The following CDC14B variants were observed in gnomAD, a reference collection of about 807,000 sequenced individuals.
CDC14B encodes dual specificity protein phosphatase CDC14B.
In CDC14B, 22 loss-of-function variants were observed where a neutral mutation model predicts 64.2. That is an observed-to-expected ratio of 0.34 (90% CI 0.24 to 0.49). The LOEUF is 0.49. CDC14B is among the 20% of genes least tolerant of loss of function. The pLI is 0.99. For missense variants in CDC14B, 498 were observed against 629.9 expected (o/e 0.79, Z 2.24); for synonymous variants, 191 against 215.8 (o/e 0.89, Z 1.01).
chr9:96,514,981 A>G, intron 12 of CDC14B: 1 of 960,778 alleles, frequency 1.0e-6, no homozygotes, highest in Non-Finnish European at 1.2e-6. Context: ...AACAATGACC[A>G]TCATATGGAA....
rs1835493200 is a variant in CDC14B at position 96,515,397 on chromosome 9, G to C, written c.1344-5608C>G. ...CAGTGTCTTTATCAACTGCTATTTT[G>C]AAATATGTTAAGGATAAGCATAACT... is the stretch of plus-strand genomic sequence containing the variant. On this transcript the variant is annotated intron_variant, in intron 12 of 13. Transcript: ENST00000375241. The surrounding 1 kb of genome is among the most constrained non-coding windows in gnomAD (Gnocchi z 4.3). 7.1e-6 allele frequency among the ~76,000 whole-genome samples: 1 copy of C among 141,050 alleles called. No individual in the cohort carries two copies. Among genetic ancestry groups the C allele is most frequent in the Admixed American group, 7.5e-5 (1 of 13,290 alleles). 92.5% of individuals were successfully genotyped at this position (141,050 alleles called of 152,430 possible). A position where few individuals can be genotyped will look rare whatever the true frequency, so the allele number is the denominator to read the frequency against.
intron 1 of CDC14B, among the ~76,000 whole-genome samples, chr9:96,574,110 G>A (rs1416312076): frequency 6.6e-6 from 1 of 150,878 alleles, no homozygotes; most frequent in Non-Finnish European, 1.5e-5. Context: ...TCGCACCACT[G>A]AACTCCAGCT....
intron 1 of CDC14B, among the ~76,000 whole-genome samples, chr9:96,584,007 C>A (rs1040080521): frequency 3.3e-5 from 5 of 152,084 alleles, no homozygotes; most frequent in African/African-American, 1.2e-4. Context: ...CATGAGCCAC[C>A]GCGCCTGGCG....
At chr9:96,566,687 C>A (rs1009547434) in intron 1 of CDC14B, 12 of 1,371,976 alleles carry the variant, frequency 8.7e-6, no homozygotes, top group Non-Finnish European at 1.2e-5. Flanking sequence ...AGACTAGGGG[C>A]ACCTCCAAGC....
intron 9 of CDC14B, among the ~76,000 whole-genome samples, chr9:96,530,754 G>A (rs56087859): frequency 0.043 from 6,571 of 151,654 alleles, 446 homozygotes; most frequent in African/African-American, 0.15. Flanking sequence ...TGAGCTTAGA[G>A]GAAAAGCTTT....
At chr9:96,610,068 G>C (rs1252320250) in intron 1 of CDC14B, among the ~76,000 whole-genome samples, 1 of 151,540 alleles carries the variant, frequency 6.6e-6, no homozygotes, top group Admixed American at 6.6e-5. Flanking sequence ...ATTAAAGTTA[G>C]AATTGTTTTA....
At chr9:96,617,885 C>G (rs1226271748) in intron 1 of CDC14B, among the ~76,000 whole-genome samples, 1 of 152,208 alleles carries the variant, frequency 6.6e-6, no homozygotes, top group African/African-American at 2.4e-5. Context: ...TATAGGCCCA[C>G]CCGTTCCCAG....
intron 4 of CDC14B, among the ~76,000 whole-genome samples, chr9:96,555,712 C>T (rs533830919): frequency 3.9e-5 from 6 of 152,302 alleles, no homozygotes; most frequent in African/African-American, 1.2e-4. Flanking sequence ...TCTCTCTGAA[C>T]GAGCAAATAT....
chr9:96,491,361 T>G (rs946637636), exon 14 of CDC14B: 1 of 152,240 alleles, frequency 6.6e-6, no homozygotes, highest in Non-Finnish European at 1.5e-5. Context: ...AACAGTCCTT[T>G]GGTTACTCCA....
At chr9:96,583,342 G>A (rs1348625628) in intron 1 of CDC14B, among the ~76,000 whole-genome samples, 1 of 150,564 alleles carries the variant, frequency 6.6e-6, no homozygotes, top group Non-Finnish European at 1.5e-5. Flanking sequence ...GTAAACCGGC[G>A]CCACCCTCCG....
intron 3 of CDC14B, 52 bp downstream of exon 3, chr9:96,564,725 C>A: frequency 1.1e-5 from 12 of 1,073,040 alleles, no homozygotes; most frequent in Non-Finnish European, 1.6e-5. Context: ...TTACTTTCGT[C>A]CCCCAGATCA....
Position 96,532,950 on chromosome 9 carries a change from T to C in CDC14B, c.946+977A>G, listed in dbSNP as rs142021202. Among the ~76,000 whole-genome samples, 382 of 152,308 alleles carry C rather than the reference T, an allele frequency of 2.5e-3. 2 individuals are homozygous for C. The highest frequency in any genetic ancestry group is 8.7e-3 in the African/African-American group (362 of 41,570). ...CCTACTAAGTCCACAATTTGATCTT[T>C]CTCAGGGATAGCTTCTGTGGATTTA... is the stretch of plus-strand genomic sequence containing the variant. On this transcript the variant is annotated intron_variant, in intron 9 of 13. Coordinates refer to ENST00000375241, the MANE Select transcript of CDC14B (RefSeq NM_033331.4).
chr9:96,495,348 G>A (rs1215961032), downstream of CDC14B, among the ~76,000 whole-genome samples: 6 of 152,168 alleles, frequency 3.9e-5, no homozygotes, highest in East Asian at 7.8e-4. Flanking sequence ...GGGACTGAGG[G>A]CGCCTTCAGC....
At chr9:96,494,815 C>T (rs1411086794) in intron 13 of CDC14B, among the ~76,000 whole-genome samples, 1 of 120,638 alleles carries the variant, frequency 8.3e-6, no homozygotes, top group African/African-American at 3.3e-5. Flanking sequence ...TCGTCCCGTC[C>T]CATCCCGTCT....
At chr9:96,508,407 A>G (rs1366006437) in intron 13 of CDC14B, among the ~76,000 whole-genome samples, 2 of 152,228 alleles carry the variant, frequency 1.3e-5, no homozygotes, top group Non-Finnish European at 1.5e-5. Context: ...GGCATAATGT[A>G]ACAATCTTGA....
intron 1 of CDC14B, among the ~76,000 whole-genome samples, chr9:96,584,445 A>C (rs1222600165): frequency 6.6e-6 from 1 of 152,180 alleles, no homozygotes; most frequent in Non-Finnish European, 1.5e-5. Context: ...CATAGTCAAG[A>C]AAGTCAGACT....
chr9:96,583,370 T>TTTATTTATTA (rs369531819), intron 1 of CDC14B, among the ~76,000 whole-genome samples: 18 of 139,092 alleles, frequency 1.3e-4, no homozygotes, highest in Admixed American at 5.2e-4. Context: ...GTTGTATTTA[T>TTTATTTATTA]TTATTATTAT....
intron 4 of CDC14B, among the ~76,000 whole-genome samples, chr9:96,557,378 T>C (rs1360534828): frequency 2.6e-5 from 4 of 152,248 alleles, no homozygotes; most frequent in Non-Finnish European, 5.9e-5. Context: ...TCCTCCAGCC[T>C]CTGCTGTCCC....
Position 96,509,729 on chromosome 9 carries a change from A to C in CDC14B, c.1404T>G (p.Ser468Arg). 2 of 1,613,494 alleles carry C rather than the reference A, an allele frequency of 1.2e-6. No individual in the cohort carries two copies. The highest frequency in any genetic ancestry group is 2.2e-5 in the South Asian group (2 of 91,060). Reference protein sequence around the residue: ...CKTSEPNISGSAGITKRTTRS... With the variant: ...CKTSEPNISGRAGITKRTTRS... ...TGGTGGTTCTTTTAGTAATGCCTGC[A>C]CTGCCAGAAATGTTAGGTTCAGATG... Residue 468 changes from serine (S) to arginine (R), a missense_variant, in exon 13 of 14, where the codon AGT (serine) becomes AGG (arginine). Ser to Arg is a moderately radical substitution (Grantham distance 110, BLOSUM62 -1). Coordinates refer to ENST00000375241, the MANE Select transcript of CDC14B (RefSeq NM_033331.4).
Sources: allele counts gnomAD v4.1 joint callset (sites outside exome capture counted in the v4.1 genomes callset), GRCh38; gene constraint gnomAD v4.1.1; non-coding constraint Gnocchi (gnomAD v3.1); transcripts MANE v1.5; gene names NCBI Gene and HGNC (gene_info 2026-07-23, HGNC 2026-07-21).